Variants in ADK observed in about 807,000 individuals in gnomAD.
The protein encoded by ADK is adenosine kinase.
In ADK, 24 loss-of-function variants were observed where a neutral mutation model predicts 44.7. The ratio of observed to expected loss-of-function variants is 0.54; its 90% confidence interval spans 0.39 to 0.76. The LOEUF (loss-of-function observed/expected upper bound fraction) is 0.76, where lower values mean the gene tolerates loss of function less well. Ranked by LOEUF, ADK falls within the 30% of genes least tolerant of loss-of-function variation. ADK has a pLI of 0.00. For synonymous variants in ADK, 128 were observed against 142.6 expected (o/e 0.90, Z 0.73); for missense variants, 321 against 425.1 (o/e 0.76, Z 2.15).
At position 74,254,832 on chromosome 10, in the gene ADK, A is replaced by G. The variant is rs149875396; in HGVS notation, c.194+30241A>G. Among the ~76,000 whole-genome samples the G allele has an allele frequency of 5.0e-4, 76 of 152,336 alleles. 1 individual carries two copies. The East Asian group carries it at 0.013, about 27-fold the overall frequency. On this transcript the variant is annotated intron_variant, in intron 3 of 10. Transcript: ENST00000539909. ...ACAAATAGTCATTTTGTATTTGCCA[A>G]GTGTGATACCTTCCTTTGTTTATTT...
At chr10:74,623,063 T>G (rs1853056369) in intron 9 of ADK, among the ~76,000 whole-genome samples, 1 of 152,104 alleles carries the variant, frequency 6.6e-6, no homozygotes, top group Non-Finnish European at 1.5e-5. Context: ...CCCAGACTAG[T>G]CCAATCTGTT....
intron 6 of ADK, chr10:74,423,658 G>A: frequency 2.5e-6 from 1 of 407,196 alleles, no homozygotes; most frequent in South Asian, 2.1e-5. Context: ...TTTCTTGCTG[G>A]CCAGGTCTGC....
intron 4 of ADK, among the ~76,000 whole-genome samples, chr10:74,353,295 A>G (rs1367139970): frequency 6.6e-6 from 1 of 152,184 alleles, no homozygotes; most frequent in African/African-American, 2.4e-5. Context: ...TTTTTAGCAA[A>G]GTAACACAGA....
chr10:74,172,666 G>A (rs1319772917), intron 1 of ADK, among the ~76,000 whole-genome samples: 1 of 136,900 alleles, frequency 7.3e-6, no homozygotes, highest in Non-Finnish European at 1.6e-5. Context: ...CCCAGCCTGG[G>A]CAACAAGAGT....
chr10:74,618,059 A>G (rs900026148), intron 9 of ADK, among the ~76,000 whole-genome samples: 3 of 151,144 alleles, frequency 2.0e-5, no homozygotes, highest in Non-Finnish European at 2.9e-5. Flanking sequence ...TGTTTACATG[A>G]TATCTTTTTT....
intron 10 of ADK, among the ~76,000 whole-genome samples, chr10:74,686,309 A>G (rs1047068573): frequency 3.3e-5 from 5 of 152,128 alleles, no homozygotes; most frequent in African/African-American, 1.2e-4. Context: ...TAGTTGTGGG[A>G]CTGCTGTGGT....
At chr10:74,539,920 T>C (rs1425567859) in intron 7 of ADK, among the ~76,000 whole-genome samples, 1 of 152,198 alleles carries the variant, frequency 6.6e-6, no homozygotes, top group Non-Finnish European at 1.5e-5. Flanking sequence ...GTCAGTGGCA[T>C]GTTGTAAAGA....
At chr10:74,187,885 T>C (rs1382617581) in intron 1 of ADK, among the ~76,000 whole-genome samples, 1 of 152,224 alleles carries the variant, frequency 6.6e-6, no homozygotes, top group African/African-American at 2.4e-5. Context: ...TTTATTTGTA[T>C]CTTCTTATGT....
At chr10:74,250,990 T>C (rs76198222) in intron 3 of ADK, among the ~76,000 whole-genome samples, 4,856 of 152,120 alleles carry the variant, frequency 0.032, 278 homozygotes, top group African/African-American at 0.11. Context: ...GATTCTTCCA[T>C]CTCAGTCTCC....
intron 4 of ADK, among the ~76,000 whole-genome samples, chr10:74,339,868 A>G (rs976357678): frequency 6.6e-6 from 1 of 152,150 alleles, no homozygotes; most frequent in Non-Finnish European, 1.5e-5. Context: ...ACTTTCACAG[A>G]TTTTGCAGAC....
chr10:74,188,719 A>T (rs11000912), intron 1 of ADK, among the ~76,000 whole-genome samples: 3 of 151,692 alleles, frequency 2.0e-5, no homozygotes, highest in Non-Finnish European at 4.4e-5. Context: ...AGAAGTTTAG[A>T]TTATTGTTTT....
intron 1 of ADK, among the ~76,000 whole-genome samples, chr10:74,154,928 G>T (rs908181062): frequency 2.0e-5 from 3 of 152,028 alleles, no homozygotes; most frequent in Non-Finnish European, 4.4e-5. Flanking sequence ...TATTCATCAC[G>T]GCAAATATTT....
At chr10:74,455,933 T>C (rs1471930755) in intron 6 of ADK, among the ~76,000 whole-genome samples, 1 of 152,166 alleles carries the variant, frequency 6.6e-6, no homozygotes, top group Non-Finnish European at 1.5e-5. Context: ...CGCTTAACAT[T>C]TTTTCCTTCA....
chr10:74,371,340 G>C (rs900917222), intron 4 of ADK, among the ~76,000 whole-genome samples: 2 of 152,106 alleles, frequency 1.3e-5, no homozygotes, highest in Non-Finnish European at 2.9e-5. Flanking sequence ...TAAATAAAAG[G>C]CATTTATATT....
At chr10:74,510,938 G>A (rs1013731969) in intron 6 of ADK, among the ~76,000 whole-genome samples, 2 of 152,076 alleles carry the variant, frequency 1.3e-5, no homozygotes, top group African/African-American at 4.8e-5. Flanking sequence ...AAACTCCTGG[G>A]CTCAAGAGAT....
At chr10:74,636,887 G>C (rs982112157) in intron 9 of ADK, among the ~76,000 whole-genome samples, 4 of 152,210 alleles carry the variant, frequency 2.6e-5, no homozygotes, top group African/African-American at 7.2e-5. Flanking sequence ...AAGAAGAGTA[G>C]AGCATGGTGA....
At chr10:74,434,782 C>A (rs1845125065) in intron 6 of ADK, among the ~76,000 whole-genome samples, 1 of 152,084 alleles carries the variant, frequency 6.6e-6, no homozygotes, top group Non-Finnish European at 1.5e-5. Context: ...TTGGTTTGGT[C>A]TGGTGGGCCT....
intron 3 of ADK, among the ~76,000 whole-genome samples, chr10:74,243,579 C>T (rs1281943708): frequency 6.6e-6 from 1 of 152,156 alleles, no homozygotes; most frequent in Non-Finnish European, 1.5e-5. Context: ...TTAGACACAT[C>T]GAAATAAATC....
At chr10:74,673,251 T>A (rs1341528159) in intron 10 of ADK, among the ~76,000 whole-genome samples, 2 of 152,214 alleles carry the variant, frequency 1.3e-5, no homozygotes, top group Admixed American at 1.3e-4. Flanking sequence ...GTAGAATCGA[T>A]TGCACTACAG....
Sources: gnomAD v4.1 joint callset for allele counts (sites outside exome capture counted in the v4.1 genomes callset) on GRCh38, gnomAD v4.1.1 for gene constraint, MANE v1.5 for transcripts, NCBI Gene and HGNC (gene_info 2026-07-23, HGNC 2026-07-21) for gene names.